Variants in RGS7 observed in about 807,000 individuals in gnomAD.
RGS7 encodes regulator of G protein signaling 7, also known as regulator of G-protein signaling 7.
A neutral mutation model predicts 81.1 loss-of-function variants in RGS7; 27 were observed. The ratio of observed to expected loss-of-function variants is 0.33; its 90% CI spans 0.25 to 0.46. The LOEUF is 0.46. Among genes scored for constraint, RGS7 ranks in the 20% least tolerant of loss-of-function variants. The pLI, the probability that RGS7 is intolerant of heterozygous loss-of-function variation, is 1.00. For synonymous variants in RGS7, 208 were observed against 207.7 expected (o/e 1.00, Z -0.01); for missense variants, 396 against 607.4 (o/e 0.65, Z 3.66).
chr1:241,167,756 G>A (rs968427938), intron 2 of RGS7, among the ~76,000 whole-genome samples: 1 of 152,000 alleles, frequency 6.6e-6, no homozygotes, highest in Non-Finnish European at 1.5e-5. Context: ...CTGACCTCAT[G>A]ATCCTCCCGC....
intron 3 of RGS7, among the ~76,000 whole-genome samples, chr1:241,090,765 A>G (rs1207955398): frequency 6.6e-6 from 1 of 152,204 alleles, no homozygotes; most frequent in Non-Finnish European, 1.5e-5. Flanking sequence ...TGAAAAAACT[A>G]TAGTGGGTTA....
At chr1:241,289,326 G>A (rs1374014717) in intron 2 of RGS7, among the ~76,000 whole-genome samples, 1 of 152,096 alleles carries the variant, frequency 6.6e-6, no homozygotes, top group Non-Finnish European at 1.5e-5. Context: ...TCTAGCAAAT[G>A]CCCACTCATT....
In RGS7 at chr1:240,806,088, C is replaced by T. The variant is rs183436798; in HGVS notation, c.1269+52G>A. On this transcript the variant is annotated intron_variant, in intron 15 of 18. Coordinates refer to ENST00000440928, the MANE Select transcript of RGS7 (RefSeq NM_001364886.1). ...ATGAAAATAAAATGAATACATCTAA[C>T]GCTCAACTTCTCGGAAGCACGTTTG... 5,179 of 1,484,148 alleles carry T rather than the reference C, an allele frequency of 3.5e-3. 56 individuals are homozygous for T. The highest frequency in any genetic ancestry group is 0.033 in the Admixed American group (1,957 of 59,810). The allele number at this position is 1,484,148 out of a possible 1,614,324, so 91.9% of individuals were successfully genotyped here. A position where few individuals can be genotyped will look rare whatever the true frequency, so the allele number is the denominator to read the frequency against.
chr1:241,277,368 C>T (rs1173166756), intron 2 of RGS7, among the ~76,000 whole-genome samples: 1 of 152,104 alleles, frequency 6.6e-6, no homozygotes, highest in African/African-American at 2.4e-5. Flanking sequence ...GCCTGTAATC[C>T]CAGCACTTTG....
At position 241,355,725 on chromosome 1, in the gene RGS7, ATTCATCGG is replaced by A; in HGVS notation, c.44_51del (p.Ala15ValfsTer20). On this transcript the variant is annotated frameshift_variant, in exon 2 of 19. Transcript: ENST00000440928. LOFTEE classifies it high-confidence loss of function. ...TTTCTGTACACCAGCATGTTGGGTG[ATTCATCGG>A]CCACCCCGTTGCTGGTCTGCCCATA... The A allele has an allele frequency of 6.2e-7, 1 of 1,614,144 alleles. No individual in the cohort carries two copies.
chr1:240,865,242 C>CA lies in RGS7; in HGVS notation c.609+3344dup, dbSNP rs145064944. On this transcript the variant is annotated intron_variant, in intron 9 of 18. Transcript: ENST00000440928. The stretch of plus-strand genomic sequence containing the variant: ...CTGATTCCAAAGCCCACCTGCTTCC[C>CA]ACTCTGCCCCAGGTCTCCCTATTCC... Among the ~76,000 whole-genome samples the CA allele has an allele frequency of 7.2e-3, 1,093 of 152,336 alleles. 7 individuals are homozygous for CA. Among genetic ancestry groups the CA allele is most frequent in the African/African-American group, 0.025 (1,052 of 41,568 alleles).
At chr1:241,027,722 A>G (rs1169750866) in intron 3 of RGS7, among the ~76,000 whole-genome samples, 1 of 151,996 alleles carries the variant, frequency 6.6e-6, no homozygotes, top group Non-Finnish European at 1.5e-5. Context: ...TGAGAGGAGG[A>G]GCCGGCAGTT....
intron 2 of RGS7, among the ~76,000 whole-genome samples, chr1:241,338,704 ATATAG>A (rs1001578039): frequency 5.3e-5 from 8 of 149,814 alleles, no homozygotes; most frequent in Non-Finnish European, 1.0e-4. Context: ...AAGAGATAAT[ATATAG>A]TATATTATAT....
intron 17 of RGS7, among the ~76,000 whole-genome samples, chr1:240,801,203 T>C (rs182842940): frequency 2.6e-5 from 4 of 152,304 alleles, no homozygotes; most frequent in Admixed American, 2.0e-4. Flanking sequence ...TCCTTTTATA[T>C]GTTGTAATAT....
chr1:241,271,754 C>T lies in RGS7; in HGVS notation c.78+83945G>A, dbSNP rs1338871012. Among the ~76,000 whole-genome samples, 1 of 152,114 alleles carries T rather than the reference C, an allele frequency of 6.6e-6. No homozygotes were observed. The highest frequency in any genetic ancestry group is 1.5e-5 in the Non-Finnish European group (1 of 68,022). ...CATTGGCCTTGGAGTGGGATTTACACCAGCATCATTTCTGGTTCTCAGGAC... is the reference window on the plus strand; with the variant it reads ...CATTGGCCTTGGAGTGGGATTTACATCAGCATCATTTCTGGTTCTCAGGAC... On this transcript the variant is annotated intron_variant, in intron 2 of 18. Coordinates refer to ENST00000440928, the MANE Select transcript of RGS7 (RefSeq NM_001364886.1). The surrounding 1 kb of genome is among the most constrained non-coding windows in gnomAD (Gnocchi z 4.6).
chr1:240,847,591 G>A (rs1226952452), intron 9 of RGS7, among the ~76,000 whole-genome samples: 1 of 152,098 alleles, frequency 6.6e-6, no homozygotes, highest in Non-Finnish European at 1.5e-5. Flanking sequence ...TCCATCATTC[G>A]GGCATTTAGC....
At chr1:241,165,793 A>AT (rs1257393480) in intron 2 of RGS7, among the ~76,000 whole-genome samples, 26 of 151,684 alleles carry the variant, frequency 1.7e-4, no homozygotes, top group East Asian at 5.8e-4. Context: ...TAATAAAAAA[A>AT]AAAAAAAACC....
At chr1:241,289,992 C>T (rs943008260) in intron 2 of RGS7, among the ~76,000 whole-genome samples, 2 of 152,188 alleles carry the variant, frequency 1.3e-5, no homozygotes, top group African/African-American at 4.8e-5. Context: ...TTTCTTATTG[C>T]TCTAAGACAG....
intron 2 of RGS7, among the ~76,000 whole-genome samples, chr1:241,245,411 G>T (rs1265954719): frequency 6.6e-6 from 1 of 151,518 alleles, no homozygotes; most frequent in East Asian, 1.9e-4. Flanking sequence ...CACCATGATT[G>T]TAAGTTTTGG....
chr1:240,868,862 A>T lies in RGS7; in HGVS notation c.451-10T>A, dbSNP rs748767701. On this transcript the variant is annotated splice_polypyrimidine_tract_variant and intron_variant, in intron 7 of 18. Coordinates refer to ENST00000440928, the MANE Select transcript of RGS7 (RefSeq NM_001364886.1). The surrounding 1 kb of genome is among the most constrained non-coding windows in gnomAD (Gnocchi z 5.1). ...GCCTGGCCAGGCTCTCCTGAAAAAC[A>T]TACCCCAGGTGAAGACATTTGGTGT... 6.2e-7 allele frequency: 1 copy of T among 1,613,384 alleles called. No individual in the cohort carries two copies. Among genetic ancestry groups the T allele is most frequent in the South Asian group, 1.1e-5 (1 of 91,060 alleles).
At chr1:241,277,616 C>G (rs150436681) in intron 2 of RGS7, among the ~76,000 whole-genome samples, 2,231 of 122,474 alleles carry the variant, frequency 0.018, 54 homozygotes, top group African/African-American at 0.056. Flanking sequence ...GAGACTCCAT[C>G]TCAAAAAAAA....
At chr1:240,931,073 G>A (rs1412882473) in intron 5 of RGS7, among the ~76,000 whole-genome samples, 1 of 151,992 alleles carries the variant, frequency 6.6e-6, no homozygotes, top group Non-Finnish European at 1.5e-5. Context: ...CAAGCAAAAA[G>A]TATTCATCCA....
At chr1:240,885,224 T>A (rs1194328057) in intron 6 of RGS7, among the ~76,000 whole-genome samples, 3 of 152,020 alleles carry the variant, frequency 2.0e-5, no homozygotes, top group Admixed American at 2.0e-4. Context: ...CCATTCAGAA[T>A]GGCTATTACT....
intron 2 of RGS7, among the ~76,000 whole-genome samples, chr1:241,279,108 ATTC>A (rs1343122616): frequency 6.6e-6 from 1 of 151,842 alleles, no homozygotes; most frequent in Admixed American, 6.6e-5. Flanking sequence ...GATCTCATAA[ATTC>A]TTCATAACAT....
Sources: allele counts gnomAD v4.1 joint callset (sites outside exome capture counted in the v4.1 genomes callset), GRCh38; gene constraint gnomAD v4.1.1; non-coding constraint Gnocchi (gnomAD v3.1); transcripts MANE v1.5; gene names NCBI Gene and HGNC (gene_info 2026-07-23, HGNC 2026-07-21).